The following LRRTM4 variants were observed in gnomAD, a reference collection of about 807,000 sequenced individuals.
LRRTM4 encodes leucine-rich repeat transmembrane neuronal protein 4.
A neutral mutation model predicts 47.6 loss-of-function variants in LRRTM4; 25 were observed. The observed-to-expected ratio is 0.53, with a 90% CI of 0.38 to 0.73. LRRTM4 has a LOEUF of 0.73. Among genes scored for constraint, LRRTM4 ranks in the 30% least tolerant of loss-of-function variants. The pLI is 0.00. For synonymous variants in LRRTM4, 311 were observed against 269.5 expected (o/e 1.15, Z -1.51); for missense variants, 638 against 713.4 (o/e 0.89, Z 1.20).
intron 3 of LRRTM4, among the ~76,000 whole-genome samples, chr2:77,101,107 C>T (rs977631543): frequency 9.9e-5 from 15 of 151,724 alleles, no homozygotes; most frequent in African/African-American, 3.4e-4. Flanking sequence ...AGTGCTGGGA[C>T]GTAGTACTGA....
intron 3 of LRRTM4, among the ~76,000 whole-genome samples, chr2:76,987,238 T>A (rs2103981615): frequency 6.6e-6 from 1 of 152,032 alleles, no homozygotes; most frequent in South Asian, 2.1e-4. Flanking sequence ...AACATCTGAT[T>A]GTAGCCAGAA....
intron 3 of LRRTM4, among the ~76,000 whole-genome samples, chr2:76,794,658 A>G (rs761960968): frequency 6.6e-6 from 1 of 151,932 alleles, no homozygotes; most frequent in Non-Finnish European, 1.5e-5. Context: ...TTTTTTGTTT[A>G]TTTTCTTCTT....
intron 3 of LRRTM4, among the ~76,000 whole-genome samples, chr2:76,977,863 T>A (rs1232588836): frequency 6.6e-6 from 1 of 152,060 alleles, no homozygotes; most frequent in East Asian, 1.9e-4. Flanking sequence ...GGCATAAACT[T>A]CTTTTCCTTC....
intron 3 of LRRTM4, among the ~76,000 whole-genome samples, chr2:76,929,676 G>A (rs1674703226): frequency 6.6e-6 from 1 of 152,112 alleles, no homozygotes; most frequent in Admixed American, 6.6e-5. Flanking sequence ...CCCCAGGGCT[G>A]CAGACTTTAC....
chr2:77,328,830 A>C (rs2104245209), intron 3 of LRRTM4, among the ~76,000 whole-genome samples: 1 of 152,286 alleles, frequency 6.6e-6, no homozygotes, highest in South Asian at 2.1e-4. Flanking sequence ...TCTATGCTTC[A>C]GTGCTGATAT....
intron 3 of LRRTM4, among the ~76,000 whole-genome samples, chr2:77,300,679 T>C (rs1225600009): frequency 1.3e-5 from 2 of 152,226 alleles, no homozygotes; most frequent in Non-Finnish European, 2.9e-5. Context: ...GATTAATTAC[T>C]ACTTCTTGGA....
intron 3 of LRRTM4, among the ~76,000 whole-genome samples, chr2:76,884,287 T>A (rs1355807873): frequency 6.6e-6 from 1 of 152,190 alleles, no homozygotes; most frequent in Non-Finnish European, 1.5e-5. Flanking sequence ...GTGAAGTAAC[T>A]TGCCCAAGTC....
chr2:76,802,265 AAAGT>A (rs1675738967), intron 3 of LRRTM4, among the ~76,000 whole-genome samples: 1 of 151,942 alleles, frequency 6.6e-6, no homozygotes, highest in Non-Finnish European at 1.5e-5. Context: ...TAGAATAAAT[AAAGT>A]AAGTAAAGTT....
chr2:77,153,565 C>A (rs749412328), intron 3 of LRRTM4, among the ~76,000 whole-genome samples: 9 of 152,242 alleles, frequency 5.9e-5, no homozygotes, highest in Admixed American at 3.9e-4. Flanking sequence ...ACTTAAAGGG[C>A]CACATGCCTT....
intron 3 of LRRTM4, among the ~76,000 whole-genome samples, chr2:77,223,376 A>G (rs945952357): frequency 3.3e-5 from 5 of 152,208 alleles, no homozygotes; most frequent in African/African-American, 1.2e-4. Flanking sequence ...AGGCAGTAGA[A>G]GGAAATAAAA....
At chr2:76,937,034 G>C (rs553856077) in intron 3 of LRRTM4, among the ~76,000 whole-genome samples, 4 of 146,270 alleles carry the variant, frequency 2.7e-5, no homozygotes, top group African/African-American at 1.0e-4. Flanking sequence ...GTAGATTCAT[G>C]GTGACAATGA....
intron 3 of LRRTM4, among the ~76,000 whole-genome samples, chr2:76,798,448 G>A (rs560358042): frequency 1.9e-4 from 28 of 150,742 alleles, no homozygotes; most frequent in Non-Finnish European, 3.4e-4. Flanking sequence ...CGCATTCAAA[G>A]CAGTGTGTAG....
chr2:76,836,759 A>C, intron 3 of LRRTM4, among the ~76,000 whole-genome samples: 1 of 152,112 alleles, frequency 6.6e-6, no homozygotes, highest in East Asian at 1.9e-4. Context: ...TTTCAGAACC[A>C]AAAATATAGC....
At chr2:76,836,768 G>T (rs1558684725) in intron 3 of LRRTM4, among the ~76,000 whole-genome samples, 1 of 152,124 alleles carries the variant, frequency 6.6e-6, no homozygotes, top group South Asian at 2.1e-4. Flanking sequence ...CAAAAATATA[G>T]CCAATACAGA....
chr2:77,236,834 G>T (rs1363451699), intron 3 of LRRTM4, among the ~76,000 whole-genome samples: 1 of 152,012 alleles, frequency 6.6e-6, no homozygotes, highest in Non-Finnish European at 1.5e-5. Context: ...TTACTGACTT[G>T]CATGTCAAAG....
chr2:77,416,775 G>T (rs1674650506), intron 3 of LRRTM4, among the ~76,000 whole-genome samples: 1 of 151,986 alleles, frequency 6.6e-6, no homozygotes, highest in Admixed American at 6.6e-5. Flanking sequence ...GATATATAAA[G>T]AAGTTAATAG....
At chr2:76,755,729 G>T (rs1673005798) in intron 3 of LRRTM4, among the ~76,000 whole-genome samples, 1 of 152,102 alleles carries the variant, frequency 6.6e-6, no homozygotes, top group Admixed American at 6.6e-5. Flanking sequence ...GGAAGAAAAG[G>T]AGCCTCAGCC....
At chr2:76,966,085 T>C (rs1676014058) in intron 3 of LRRTM4, among the ~76,000 whole-genome samples, 1 of 151,490 alleles carries the variant, frequency 6.6e-6, no homozygotes, top group South Asian at 2.1e-4. Flanking sequence ...TATACTAGGA[T>C]AGACAAAGGA....
At chr2:77,003,578 T>G (rs1677517867) in intron 3 of LRRTM4, among the ~76,000 whole-genome samples, 1 of 152,160 alleles carries the variant, frequency 6.6e-6, no homozygotes, top group Admixed American at 6.6e-5. Flanking sequence ...CTCATTTGCC[T>G]TCTACCATGA....
Sources: allele counts gnomAD v4.1 joint callset (sites outside exome capture counted in the v4.1 genomes callset), GRCh38; gene constraint gnomAD v4.1.1; transcripts MANE v1.5; gene names NCBI Gene and HGNC (gene_info 2026-07-23, HGNC 2026-07-21).